Variants in SHANK2 observed in about 807,000 individuals in gnomAD.
The protein encoded by SHANK2 is SH3 and multiple ankyrin repeat domains protein 2.
A neutral mutation model predicts 133.7 loss-of-function variants in SHANK2; 43 were observed. The ratio of observed to expected loss-of-function variants is 0.32; its 90% CI spans 0.25 to 0.41. The LOEUF (loss-of-function observed/expected upper bound fraction) is 0.41, where lower values mean the gene tolerates loss of function less well. Among genes scored for constraint, SHANK2 ranks in the 10% least tolerant of loss-of-function variants. The probability of loss-of-function intolerance (pLI) is 1.00; values close to 1 mark genes in which losing one functional copy is unlikely to be tolerated. For missense variants in SHANK2, 1,994 were observed against 2,235.8 expected, an observed-to-expected ratio of 0.89 and a Z score of 2.18; for synonymous variants, 1,017 against 952.8, an observed-to-expected ratio of 1.07 and a Z score of -1.24.
chr11:70,926,244 C>T (rs1296869501), intron 10 of SHANK2, among the ~76,000 whole-genome samples: 4 of 152,068 alleles, frequency 2.6e-5, no homozygotes, highest in South Asian at 2.1e-4. Context: ...TCCATCTCTA[C>T]AAAATACCAA....
intron 17 of SHANK2, among the ~76,000 whole-genome samples, chr11:70,544,999 C>T (rs1176448819): frequency 6.6e-6 from 1 of 152,164 alleles, no homozygotes; most frequent in Non-Finnish European, 1.5e-5. Context: ...ACCTCGGGAG[C>T]TTCTCTCACA....
Position 71,090,442 on chromosome 11 carries a change from CGT to C in SHANK2, c.912+1978_912+1979del, listed in dbSNP as rs1181678975. 2.5e-3 allele frequency among the ~76,000 whole-genome samples: 20 copies of C among 8,044 alleles called. 7 individuals carry two copies. Among genetic ancestry groups the C allele is most frequent in the African/African-American group, 5.8e-3 (12 of 2,058 alleles). 5.3% of individuals were successfully genotyped at this position (8,044 alleles called of 152,430 possible). On this transcript the variant is annotated intron_variant, in intron 8 of 25. Coordinates refer to ENST00000601538, the MANE Select transcript of SHANK2 (RefSeq NM_012309.5). ...GCCAGGGTTCTCCAGAGAAACACTA[CGT>C]GTGTGTGTGTGTGTGTGTGTGTGTG...
chr11:70,627,052 G>A lies in SHANK2; in HGVS notation c.2061+32776C>T, dbSNP rs75319061. 1.3e-3 allele frequency among the ~76,000 whole-genome samples: 192 copies of A among 152,306 alleles called. 2 individuals are homozygous for A. In the Middle Eastern group the frequency reaches 0.017, roughly 13 times the overall value. Reference sequence around the variant, plus strand: ...AGATGGGAGCCTGGAGGTGGGGGGCGTGGGGGTGGCATGGTGTTGGGGGAC... The same window carrying A: ...AGATGGGAGCCTGGAGGTGGGGGGCATGGGGGTGGCATGGTGTTGGGGGAC... On this transcript the variant is annotated intron_variant, in intron 17 of 25. Coordinates refer to ENST00000601538, the MANE Select transcript of SHANK2 (RefSeq NM_012309.5).
chr11:70,755,268 C>CA (rs371012490), intron 14 of SHANK2, among the ~76,000 whole-genome samples: 3 of 152,170 alleles, frequency 2.0e-5, no homozygotes, highest in African/African-American at 7.2e-5. Context: ...GACAGGGTTT[C>CA]ACCATGTTGG....
At chr11:71,109,873 T>C (rs563285914) in intron 6 of SHANK2, 68 bp downstream of exon 6, 2 of 933,354 alleles carry the variant, frequency 2.1e-6, no homozygotes, top group East Asian at 2.6e-5. Context: ...ACAGGTAGCC[T>C]GAGCAGTGGG....
chr11:70,488,101 G>A (rs1053429188), intron 24 of SHANK2, among the ~76,000 whole-genome samples: 3 of 152,222 alleles, frequency 2.0e-5, no homozygotes, highest in Non-Finnish European at 2.9e-5. Flanking sequence ...GTGCGCTTAC[G>A]TGTGCTTGTG....
chr11:70,502,353 G>T, intron 18 of SHANK2, 67 bp from the exon 19 acceptor site: 2 of 1,453,944 alleles, frequency 1.4e-6, no homozygotes, highest in Non-Finnish European at 1.9e-6. Context: ...AATAAGGCTA[G>T]CAGTGGCCCT....
At chr11:70,842,835 A>G (rs1555062121) in intron 11 of SHANK2, among the ~76,000 whole-genome samples, 1 of 152,128 alleles carries the variant, frequency 6.6e-6, no homozygotes, top group Non-Finnish European at 1.5e-5. Flanking sequence ...CTCCCTCCAC[A>G]CGGTTTCCTC....
rs112487936 is a variant in SHANK2, at chr11:70,799,744, C to A, written c.1664-1188G>T. Among the ~76,000 whole-genome samples the A allele has an allele frequency of 3.1e-3, 468 of 152,370 alleles. 4 individuals are homozygous for A. The highest frequency in any genetic ancestry group is 0.011 in the African/African-American group (456 of 41,590). Reference sequence around the variant, plus strand: ...ACTGGACAGACACGGCCACCCCAGCCTACAGGGTGGAAGTTGCTGAGTCCA... The same window carrying A: ...ACTGGACAGACACGGCCACCCCAGCATACAGGGTGGAAGTTGCTGAGTCCA... On this transcript the variant is annotated intron_variant, in intron 13 of 25. Coordinates refer to ENST00000601538, the MANE Select transcript of SHANK2 (RefSeq NM_012309.5).
intron 3 of SHANK2, among the ~76,000 whole-genome samples, chr11:71,134,264 G>A (rs58224946): frequency 0.029 from 4,414 of 151,586 alleles, 200 homozygotes; most frequent in African/African-American, 0.098. Context: ...CATCTGGGGA[G>A]GGGAGAGGGG....
chr11:70,672,156 C>T (rs782668674), intron 15 of SHANK2, among the ~76,000 whole-genome samples: 24 of 151,300 alleles, frequency 1.6e-4, no homozygotes, highest in Middle Eastern at 3.4e-3. Context: ...CTCCATCTCC[C>T]GGGTTCAAGC....
At chr11:70,816,224 G>A (rs182661334) in intron 12 of SHANK2, among the ~76,000 whole-genome samples, 97 of 152,368 alleles carry the variant, frequency 6.4e-4, no homozygotes, top group Admixed American at 6.3e-3. Context: ...CTCGGGAGGG[G>A]GTGAAAGTCA....
At chr11:70,938,173 G>T (rs1950596416) in intron 10 of SHANK2, among the ~76,000 whole-genome samples, 2 of 152,280 alleles carry the variant, frequency 1.3e-5, no homozygotes, top group South Asian at 4.1e-4. Flanking sequence ...GGGACAGAGT[G>T]GGGTGAAGGT....
chr11:70,673,550 C>T (rs900992800), intron 15 of SHANK2, among the ~76,000 whole-genome samples: 3 of 152,228 alleles, frequency 2.0e-5, no homozygotes, highest in Admixed American at 1.3e-4. Context: ...GCTACAAAAC[C>T]AGAAATGTCC....
intron 11 of SHANK2, among the ~76,000 whole-genome samples, chr11:70,876,717 A>G (rs1450602245): frequency 6.6e-6 from 1 of 152,158 alleles, no homozygotes; most frequent in African/African-American, 2.4e-5. Flanking sequence ...GCAGGTGACA[A>G]CACTTCTAGG....
intron 10 of SHANK2, among the ~76,000 whole-genome samples, chr11:70,938,176 G>A (rs889493490): frequency 6.6e-6 from 1 of 152,184 alleles, no homozygotes; most frequent in African/African-American, 2.4e-5. Context: ...ACAGAGTGGG[G>A]TGAAGGTCGG....
At chr11:70,802,237 C>T (rs576999551) in intron 13 of SHANK2, among the ~76,000 whole-genome samples, 1 of 152,182 alleles carries the variant, frequency 6.6e-6, no homozygotes, top group Non-Finnish European at 1.5e-5. Flanking sequence ...CTGCGGATCT[C>T]TCTATGGGCC....
chr11:71,191,075 G>C (rs1358384573), intron 2 of SHANK2, among the ~76,000 whole-genome samples: 1 of 152,050 alleles, frequency 6.6e-6, no homozygotes, highest in Admixed American at 6.6e-5. Context: ...GGAGGCTGAG[G>C]CAGGAGGATC....
chr11:71,078,672 C>T (rs1237691664), intron 8 of SHANK2, among the ~76,000 whole-genome samples: 1 of 152,220 alleles, frequency 6.6e-6, no homozygotes, highest in Non-Finnish European at 1.5e-5. Context: ...CAGTGTGCCA[C>T]ATCAGTTTAC....
Sources: gnomAD v4.1 joint callset for allele counts (sites outside exome capture counted in the v4.1 genomes callset) on GRCh38, gnomAD v4.1.1 for gene constraint, MANE v1.5 for transcripts, NCBI Gene and HGNC (gene_info 2026-07-23, HGNC 2026-07-21) for gene names.